DACH1: variants seen among roughly 807,000 people sequenced by gnomAD.
DACH1 encodes the protein dachshund family transcription factor 1, also known as dachshund homolog 1.
In DACH1, 12 loss-of-function variants were observed where a neutral mutation model predicts 54.2. The ratio of observed to expected loss-of-function variants is 0.22; its 90% CI spans 0.14 to 0.36. The LOEUF is 0.36. Ranked by LOEUF, DACH1 falls within the 10% of genes least tolerant of loss-of-function variation. The pLI, the probability that DACH1 is intolerant of heterozygous loss-of-function variation, is 1.00. For synonymous variants in DACH1, 386 were observed against 366.2 expected (o/e 1.05, Z -0.62); for missense variants, 805 against 929.8 (o/e 0.87, Z 1.75).
intron 3 of DACH1, among the ~76,000 whole-genome samples, chr13:71,600,512 T>C (rs1022071652): frequency 5.3e-5 from 8 of 152,018 alleles, no homozygotes; most frequent in Non-Finnish European, 1.2e-4. Flanking sequence ...ATATATCATG[T>C]GCATATATAC....
rs902973752 is a variant in DACH1 at position 71,492,495 on chromosome 13, A to C, written c.1571-3347T>G. 2.0e-5 allele frequency among the ~76,000 whole-genome samples: 3 copies of C among 152,250 alleles called. No individual in the cohort carries two copies. In the South Asian group the frequency reaches 6.2e-4, roughly 32 times the overall value. ...GAAGGGAGACAACCACTGGAAGCTA[A>C]AAGAGATAAAAAATGGCCCTTGGAA... On this transcript the variant is annotated intron_variant, in intron 6 of 10. Transcript: ENST00000613252.
intron 3 of DACH1, among the ~76,000 whole-genome samples, chr13:71,584,098 T>C (rs1321075812): frequency 6.6e-6 from 1 of 152,186 alleles, no homozygotes; most frequent in Non-Finnish European, 1.5e-5. Flanking sequence ...GATGCTCTCA[T>C]TTAGATAAGC....
At chr13:71,661,375 A>G (rs1879472419) in intron 2 of DACH1, among the ~76,000 whole-genome samples, 1 of 151,842 alleles carries the variant, frequency 6.6e-6, no homozygotes, top group Non-Finnish European at 1.5e-5. Context: ...GTAGCAGGAA[A>G]AAAGAAAGAA....
intron 2 of DACH1, among the ~76,000 whole-genome samples, chr13:71,665,728 T>C (rs1230541027): frequency 6.6e-6 from 1 of 152,098 alleles, no homozygotes; most frequent in Non-Finnish European, 1.5e-5. Context: ...AAAAATTCAA[T>C]TCATCTTCTT....
Position 71,866,042 on chromosome 13 carries a change from C to T in DACH1, c.728G>A (p.Cys243Tyr). The change falls in exon 1 of 11, where the codon TGC becomes TAC. Residue 243 changes from cysteine to tyrosine, a missense_variant. By Grantham distance (194) the Cys-to-Tyr change is radical (BLOSUM62 -2). Around this residue, in one of 3 missense-constraint regions of DACH1, gnomAD observed 28 missense variants for 75.7 expected, o/e 0.37. Transcript: ENST00000613252. The stretch of plus-strand genomic sequence containing the variant: ...CAGGATGCGAACTTGTTCCACATTG[C>T]ACACCACCGGCGTGATCTCCAGCCG... ...LKRLEITPVV[C>Y]NVEQVRILRG... 1 of 1,613,818 alleles carries T rather than the reference C, an allele frequency of 6.2e-7. No homozygotes were observed. Among genetic ancestry groups the T allele is most frequent in the Non-Finnish European group, 8.5e-7 (1 of 1,179,952 alleles).
chr13:71,633,064 A>G (rs1264816747), intron 2 of DACH1, among the ~76,000 whole-genome samples: 1 of 152,150 alleles, frequency 6.6e-6, no homozygotes, highest in Non-Finnish European at 1.5e-5. Context: ...TATGACTTCA[A>G]AAGTCTTTGT....
At chr13:71,697,878 C>T (rs1035981174) in intron 1 of DACH1, among the ~76,000 whole-genome samples, 5 of 151,858 alleles carry the variant, frequency 3.3e-5, no homozygotes, top group Non-Finnish European at 7.4e-5. Flanking sequence ...TGAAATAGAG[C>T]CCGATTTTAT....
intron 3 of DACH1, among the ~76,000 whole-genome samples, chr13:71,599,531 A>T (rs545729327): frequency 3.3e-5 from 5 of 152,230 alleles, no homozygotes; most frequent in Admixed American, 3.3e-4. Flanking sequence ...ACTCAAAGCT[A>T]TATTGTCCAC....
intron 4 of DACH1, among the ~76,000 whole-genome samples, chr13:71,562,191 C>T (rs1433786164): frequency 1.3e-5 from 2 of 152,118 alleles, no homozygotes; most frequent in Non-Finnish European, 2.9e-5. Flanking sequence ...TAGTATTATA[C>T]TAAAAAGCAT....
intron 10 of DACH1, among the ~76,000 whole-genome samples, chr13:71,443,098 A>G: frequency 6.7e-6 from 1 of 148,840 alleles, no homozygotes; most frequent in Non-Finnish European, 1.5e-5. Flanking sequence ...ATATGTAATT[A>G]CATATATTAT....
intron 6 of DACH1, among the ~76,000 whole-genome samples, chr13:71,514,284 C>G (rs1243745757): frequency 1.3e-5 from 2 of 151,766 alleles, no homozygotes; most frequent in African/African-American, 4.8e-5. Flanking sequence ...AAATTATAAT[C>G]TATATTACCA....
At chr13:71,474,516 C>A (rs985103314) in intron 10 of DACH1, among the ~76,000 whole-genome samples, 1 of 152,020 alleles carries the variant, frequency 6.6e-6, no homozygotes, top group Admixed American at 6.6e-5. Flanking sequence ...TGGTTTTATT[C>A]TTTTCTAATA....
At chr13:71,607,354 T>G (rs1354587753) in intron 3 of DACH1, among the ~76,000 whole-genome samples, 1 of 152,068 alleles carries the variant, frequency 6.6e-6, no homozygotes, top group African/African-American at 2.4e-5. Context: ...CTACCTTATA[T>G]GCTATGATCT....
chr13:71,561,318 T>G (rs1884568348), intron 4 of DACH1, among the ~76,000 whole-genome samples: 1 of 152,204 alleles, frequency 6.6e-6, no homozygotes, highest in African/African-American at 2.4e-5. Context: ...CCTATCAATA[T>G]GAATGTACTT....
chr13:71,763,676 G>A (rs1885495935), intron 1 of DACH1, among the ~76,000 whole-genome samples: 1 of 152,094 alleles, frequency 6.6e-6, no homozygotes, highest in African/African-American at 2.4e-5. Context: ...TAATCTTAAT[G>A]TGAGACTCTG....
At chr13:71,719,676 G>A (rs1021797381) in intron 1 of DACH1, among the ~76,000 whole-genome samples, 1 of 151,958 alleles carries the variant, frequency 6.6e-6, no homozygotes, top group Non-Finnish European at 1.5e-5. Flanking sequence ...CTCAGCCTCG[G>A]TAACATACTG....
intron 1 of DACH1, among the ~76,000 whole-genome samples, chr13:71,703,888 A>T (rs544634992): frequency 2.4e-4 from 37 of 152,306 alleles, no homozygotes; most frequent in African/African-American, 8.9e-4. Context: ...TAAATATTGT[A>T]CCTGATTATT....
At chr13:71,499,474 G>A (rs896452110) in intron 6 of DACH1, among the ~76,000 whole-genome samples, 8 of 152,172 alleles carry the variant, frequency 5.3e-5, no homozygotes, top group African/African-American at 1.9e-4. Context: ...GACTGACTCA[G>A]AACATGTACA....
chr13:71,692,831 T>A (rs1347955151), intron 1 of DACH1, among the ~76,000 whole-genome samples: 1 of 152,144 alleles, frequency 6.6e-6, no homozygotes, highest in East Asian at 1.9e-4. Flanking sequence ...CGTTCACCTA[T>A]TTTAAATGTA....
Sources: gnomAD v4.1 joint callset for allele counts (sites outside exome capture counted in the v4.1 genomes callset) on GRCh38, gnomAD v4.1.1 for gene constraint, gnomAD v4.1.1 regional missense constraint, MANE v1.5 for transcripts, NCBI Gene and HGNC (gene_info 2026-07-23, HGNC 2026-07-21) for gene names.